CSGALNACT1: variants seen among roughly 807,000 people sequenced by gnomAD.
CSGALNACT1 encodes the protein chondroitin sulfate N-acetylgalactosaminyltransferase 1.
A neutral mutation model predicts 51.0 loss-of-function variants in CSGALNACT1; 52 were observed. That is an observed-to-expected ratio of 1.02 (90% CI 0.82 to 1.29). The LOEUF is 1.29. CSGALNACT1 is among the 50% of genes most tolerant of loss of function. The pLI, the probability that CSGALNACT1 is intolerant of heterozygous loss-of-function variation, is 0.00. For synonymous variants in CSGALNACT1, 341 were observed against 254.4 expected (o/e 1.34, Z -3.24); for missense variants, 935 against 679.2 (o/e 1.38, Z -4.19).
At chr8:19,732,403 C>T (rs545543453) in intron 1 of CSGALNACT1, 3 of 152,194 alleles carry the variant, frequency 2.0e-5, no homozygotes, top group East Asian at 1.9e-4. Flanking sequence ...CAGGATCAGT[C>T]GCTGTGTTCA....
At chr8:19,579,660 C>A (rs753004906) in intron 3 of CSGALNACT1, among the ~76,000 whole-genome samples, 1 of 152,178 alleles carries the variant, frequency 6.6e-6, no homozygotes, top group African/African-American at 2.4e-5. Context: ...TCCTTAGGTT[C>A]TAGCATGTTC....
chr8:19,656,739 A>G (rs2154187731), intron 1 of CSGALNACT1, among the ~76,000 whole-genome samples: 1 of 152,332 alleles, frequency 6.6e-6, no homozygotes, highest in Admixed American at 6.5e-5. Flanking sequence ...AAAAATAAGC[A>G]GCTTTTAAAA....
intron 1 of CSGALNACT1, among the ~76,000 whole-genome samples, chr8:19,666,867 AAGAAAGAAAGAAAGAAAGAG>A (rs2059282081): frequency 8.1e-6 from 1 of 122,880 alleles, no homozygotes; most frequent in African/African-American, 4.4e-5. Flanking sequence ...GAAAGAAAGA[AAGAAAGAAAGAAAGAAAGAG>A]AGAGAGGAAG....
rs118152041 is a variant in CSGALNACT1, at chr8:19,465,098, C to A, written c.635-6456G>T. Among the ~76,000 whole-genome samples, 79 of 152,288 alleles carry A rather than the reference C, an allele frequency of 5.2e-4. No individual in the cohort carries two copies. The East Asian group carries it at 0.014, about 27-fold the overall frequency. ...GCCAAAAGATAAAAACAACTCACAC[C>A]CCCATCAACAGATAAATGGATAAAC... is the stretch of plus-strand genomic sequence containing the variant. On this transcript the variant is annotated intron_variant, in intron 4 of 9. Coordinates refer to ENST00000454498, the Ensembl canonical transcript of CSGALNACT1.
At chr8:19,439,748 T>G (rs1240849965) in intron 6 of CSGALNACT1, 82 bp downstream of exon 5, 1 of 1,069,688 alleles carries the variant, frequency 9.3e-7, no homozygotes, top group Non-Finnish European at 1.4e-6. Flanking sequence ...GAAAATAAAA[T>G]TAAGCAGAAG....
At chr8:19,443,279 C>G (rs1024666051) in intron 5 of CSGALNACT1, among the ~76,000 whole-genome samples, 3 of 152,126 alleles carry the variant, frequency 2.0e-5, no homozygotes, top group African/African-American at 7.2e-5. Context: ...AATATATGTG[C>G]ATGTAAATGT....
At chr8:19,442,574 G>T (rs370411578) in intron 5 of CSGALNACT1, among the ~76,000 whole-genome samples, 4 of 139,144 alleles carry the variant, frequency 2.9e-5, no homozygotes, top group South Asian at 2.6e-4. Flanking sequence ...CTGTTGTGGC[G>T]TTGGGGGAGG....
At chr8:19,504,904 GT>G (rs926565659) in intron 4 of CSGALNACT1, among the ~76,000 whole-genome samples, 4 of 152,098 alleles carry the variant, frequency 2.6e-5, no homozygotes, top group African/African-American at 9.7e-5. Context: ...TTTTATTTGG[GT>G]TTCAAAGTTT....
chr8:19,501,314 T>C (rs185671195), intron 4 of CSGALNACT1, among the ~76,000 whole-genome samples: 1 of 150,544 alleles, frequency 6.6e-6, no homozygotes, highest in Admixed American at 6.6e-5. Context: ...CTCTCTTACA[T>C]GGGCCTTAAT....
At chr8:19,440,829 A>G (rs1269313008) in intron 5 of CSGALNACT1, among the ~76,000 whole-genome samples, 13 of 152,150 alleles carry the variant, frequency 8.5e-5, no homozygotes, top group South Asian at 2.1e-4. Flanking sequence ...CCATTGTCTC[A>G]GCCCAAAATC....
chr8:19,659,975 G>C (rs1223559210), intron 1 of CSGALNACT1, among the ~76,000 whole-genome samples: 1 of 152,180 alleles, frequency 6.6e-6, no homozygotes, highest in Admixed American at 6.5e-5. Flanking sequence ...CGCTTTCTTT[G>C]TAGTAGTTCA....
intron 1 of CSGALNACT1, among the ~76,000 whole-genome samples, chr8:19,696,264 C>T (rs945072853): frequency 2.0e-5 from 3 of 152,156 alleles, no homozygotes; most frequent in Non-Finnish European, 4.4e-5. Context: ...TGCAATTTGC[C>T]TCAAACACCA....
intron 3 of CSGALNACT1, among the ~76,000 whole-genome samples, chr8:19,546,266 G>T (rs969596550): frequency 6.6e-6 from 1 of 152,134 alleles, no homozygotes; most frequent in Non-Finnish European, 1.5e-5. Flanking sequence ...GTTTTTGTAA[G>T]TAAGTTGAAC....
chr8:19,715,735 T>C (rs1442187691), intron 1 of CSGALNACT1, among the ~76,000 whole-genome samples: 2 of 152,206 alleles, frequency 1.3e-5, no homozygotes, highest in Non-Finnish European at 2.9e-5. Flanking sequence ...TCTTTCCTTC[T>C]GCTAGTTCTG....
chr8:19,538,278 CTA>C (rs1237409283), intron 3 of CSGALNACT1, among the ~76,000 whole-genome samples: 1 of 152,114 alleles, frequency 6.6e-6, no homozygotes, highest in Non-Finnish European at 1.5e-5. Flanking sequence ...CTGTAGTGAG[CTA>C]TGATTGTACT....
At chr8:19,659,060 TC>T (rs1475754874) in intron 1 of CSGALNACT1, among the ~76,000 whole-genome samples, 2 of 151,866 alleles carry the variant, frequency 1.3e-5, no homozygotes, top group African/African-American at 2.4e-5. Flanking sequence ...AAGGCAGGGC[TC>T]CCCCCAACCC....
In CSGALNACT1 at chr8:19,596,326, G is replaced by A. The variant is rs151139635; in HGVS notation, c.-415-5048C>T. 4.8e-3 allele frequency among the ~76,000 whole-genome samples: 733 copies of A among 152,242 alleles called. 5 individuals are homozygous for A. Among genetic ancestry groups the A allele is most frequent in the African/African-American group, 0.016 (680 of 41,524 alleles). ...AGAGTCATGATTTTCCACAAGAAAG[G>A]ACTGTTAGTGTGATGAGGGGGAAAA... On this transcript the variant is annotated intron_variant, in intron 2 of 9. Transcript: ENST00000454498.
chr8:19,458,771 G>C (rs1020618089), intron 4 of CSGALNACT1, 129 bp from the exon 4 acceptor site: 2 of 890,484 alleles, frequency 2.2e-6, no homozygotes, highest in Admixed American at 4.7e-5. Context: ...ACAATTATTC[G>C]AAAATTCAAA....
At chr8:19,569,236 C>A (rs2042505409) in intron 3 of CSGALNACT1, among the ~76,000 whole-genome samples, 1 of 152,142 alleles carries the variant, frequency 6.6e-6, no homozygotes, top group South Asian at 2.1e-4. Context: ...TACAGACAAG[C>A]ATAATGTGCT....
Sources: gnomAD v4.1 joint callset for allele counts (sites outside exome capture counted in the v4.1 genomes callset) on GRCh38, gnomAD v4.1.1 for gene constraint, MANE v1.5 for transcripts, NCBI Gene and HGNC (gene_info 2026-07-23, HGNC 2026-07-21) for gene names.